Variants in RARB observed in about 807,000 individuals in gnomAD.
The protein encoded by RARB is HBV-activated protein.
RARB carries 17 observed loss-of-function variants against 51.9 expected under a neutral mutation model. That is an observed-to-expected ratio of 0.33 (90% CI 0.22 to 0.49). RARB has a LOEUF of 0.49. Ranked by LOEUF, RARB falls within the 20% of genes least tolerant of loss-of-function variation. The pLI, the probability that RARB is intolerant of heterozygous loss-of-function variation, is 0.99. For synonymous variants in RARB, 215 were observed against 195.4 expected (o/e 1.10, Z -0.84); for missense variants, 369 against 550.8 (o/e 0.67, Z 3.30).
At chr3:25,568,537 T>G (rs752640600) in intron 3 of RARB, among the ~76,000 whole-genome samples, 14 of 152,086 alleles carry the variant, frequency 9.2e-5, no homozygotes, top group Non-Finnish European at 1.9e-4. Context: ...CCTTGCTCTT[T>G]CCTTTCACCA....
chr3:24,897,206 C>A (rs553191394), intron 2 of RARB, among the ~76,000 whole-genome samples: 6 of 152,308 alleles, frequency 3.9e-5, no homozygotes, highest in Non-Finnish European at 8.8e-5. Context: ...TTCATAATTT[C>A]TAACCTTAGG....
At chr3:25,584,597 AGGAAGTGAGTGTGCCT>A (rs1387816981) in intron 5 of RARB, among the ~76,000 whole-genome samples, 1 of 152,130 alleles carries the variant, frequency 6.6e-6, no homozygotes, top group Non-Finnish European at 1.5e-5. Flanking sequence ...GGCAGGTTGG[AGGAAGTGAGTGTGCCT>A]GGAAGGGAGT....
intron 3 of RARB, among the ~76,000 whole-genome samples, chr3:25,503,573 C>T (rs937056054): frequency 8.5e-5 from 13 of 152,062 alleles, no homozygotes; most frequent in East Asian, 1.9e-4. Context: ...CCTCAAGGAG[C>T]TTATCACCTT....
At chr3:25,467,117 C>A (rs1695468520) in intron 2 of RARB, among the ~76,000 whole-genome samples, 1 of 152,224 alleles carries the variant, frequency 6.6e-6, no homozygotes, top group Admixed American at 6.5e-5. Context: ...ACACTCAAAT[C>A]CCACTTTCCC....
At chr3:25,492,169 G>A (rs1696773955) in intron 2 of RARB, among the ~76,000 whole-genome samples, 1 of 152,124 alleles carries the variant, frequency 6.6e-6, no homozygotes, top group African/African-American at 2.4e-5. Flanking sequence ...CACAAAACCT[G>A]GTGGACTTGT....
chr3:25,042,331 G>A (rs887847801), intron 2 of RARB, among the ~76,000 whole-genome samples: 8 of 152,142 alleles, frequency 5.3e-5, no homozygotes, highest in East Asian at 1.9e-4. Flanking sequence ...GTTATTCAAG[G>A]CATTAGGAAT....
chr3:25,157,471 T>C (rs936882420), intron 4 of RARB, among the ~76,000 whole-genome samples: 1 of 151,896 alleles, frequency 6.6e-6, no homozygotes, highest in African/African-American at 2.4e-5. Context: ...TAGTGCAATC[T>C]CAGCTCACTG....
chr3:25,425,308 T>C (rs1347235880), upstream of RARB, among the ~76,000 whole-genome samples: 3 of 152,198 alleles, frequency 2.0e-5, no homozygotes, highest in Non-Finnish European at 4.4e-5. Context: ...TTTATGTATC[T>C]TTCCTTCATT....
intron 4 of RARB, among the ~76,000 whole-genome samples, chr3:25,578,741 C>T (rs1701049628): frequency 6.6e-6 from 1 of 152,216 alleles, no homozygotes; most frequent in Admixed American, 6.5e-5. Context: ...AGTTGACCAC[C>T]TTCGTTTTTA....
chr3:24,852,238 G>A (rs1469862505), intron 1 of RARB, among the ~76,000 whole-genome samples: 1 of 152,208 alleles, frequency 6.6e-6, no homozygotes, highest in East Asian at 1.9e-4. Context: ...GAATCTGAAA[G>A]CACCATTTCG....
At chr3:24,976,901 A>T (rs545189795) in intron 2 of RARB, among the ~76,000 whole-genome samples, 2 of 152,174 alleles carry the variant, frequency 1.3e-5, no homozygotes, top group Non-Finnish European at 2.9e-5. Flanking sequence ...GAGGTCTAAC[A>T]TTTAAGTCTT....
At chr3:25,316,494 T>C (rs367677285) in intron 5 of RARB, among the ~76,000 whole-genome samples, 97 of 152,252 alleles carry the variant, frequency 6.4e-4, no homozygotes, top group Middle Eastern at 3.4e-3. Context: ...TGGAAAAGCA[T>C]GCCTGGGGGA....
At chr3:25,324,123 C>G (rs780593962) in intron 5 of RARB, 3 of 152,224 alleles carry the variant, frequency 2.0e-5, no homozygotes, top group Non-Finnish European at 2.9e-5. Flanking sequence ...GTCAGATCTC[C>G]TCCTCTCTGG....
intron 2 of RARB, among the ~76,000 whole-genome samples, chr3:24,888,351 C>G (rs1415971605): frequency 6.6e-6 from 1 of 152,076 alleles, no homozygotes; most frequent in Non-Finnish European, 1.5e-5. Flanking sequence ...AAAGTTGTTA[C>G]GTGGGTATTA....
chr3:25,157,727 C>G (rs761790631), intron 4 of RARB, among the ~76,000 whole-genome samples: 1 of 152,152 alleles, frequency 6.6e-6, no homozygotes, highest in Non-Finnish European at 1.5e-5. Context: ...ATTTGATCTT[C>G]TTCACAAATT....
At chr3:24,886,645 T>C (rs1703272464) in intron 2 of RARB, among the ~76,000 whole-genome samples, 1 of 152,068 alleles carries the variant, frequency 6.6e-6, no homozygotes, top group African/African-American at 2.4e-5. Flanking sequence ...TCTCGTTATG[T>C]TGCTCAGGCT....
At chr3:24,892,394 T>A (rs1227616907) in intron 2 of RARB, among the ~76,000 whole-genome samples, 1 of 152,110 alleles carries the variant, frequency 6.6e-6, no homozygotes, top group Non-Finnish European at 1.5e-5. Context: ...GTCCAGTTGA[T>A]GGTATAAACT....
intron 1 of RARB, among the ~76,000 whole-genome samples, chr3:25,459,974 G>A (rs549901831): frequency 3.9e-5 from 6 of 152,112 alleles, no homozygotes; most frequent in Admixed American, 1.3e-4. Flanking sequence ...GAGAATTAGG[G>A]GTAGGAGAAC....
At chr3:25,106,900 A>ATTT (rs35311413) in intron 3 of RARB, among the ~76,000 whole-genome samples, 25 of 150,250 alleles carry the variant, frequency 1.7e-4, no homozygotes, top group African/African-American at 5.6e-4. Context: ...TTCCTTCTGC[A>ATTT]TTTTTTTTTG....
Sources: allele counts gnomAD v4.1 joint callset (sites outside exome capture counted in the v4.1 genomes callset), GRCh38; gene constraint gnomAD v4.1.1; transcripts MANE v1.5; gene names NCBI Gene and HGNC (gene_info 2026-07-23, HGNC 2026-07-21).